The following KALRN variants were observed in gnomAD, a reference collection of about 807,000 sequenced individuals.
KALRN encodes the protein kalirin.
KALRN carries 70 observed loss-of-function variants against 353.7 expected under a neutral mutation model. The ratio of observed to expected loss-of-function variants is 0.20; its 90% CI spans 0.16 to 0.24. KALRN has a LOEUF of 0.24. KALRN is among the 10% of genes least tolerant of loss of function. The pLI is 1.00. For synonymous variants in KALRN, 1,391 were observed against 1,434.8 expected (o/e 0.97, Z 0.69); for missense variants, 2,791 against 3,756.7 (o/e 0.74, Z 6.72).
Position 124,722,964 on chromosome 3 carries a change from A to G in KALRN, c.*3494A>G, listed in dbSNP as rs776848910. ...AATAACTTTTAAGAAGTATTAATATAATGATTTCCTACATCTTTTACATTT... is the reference window on the plus strand; with the variant it reads ...AATAACTTTTAAGAAGTATTAATATGATGATTTCCTACATCTTTTACATTT... On this transcript the variant is annotated 3_prime_UTR_variant, in exon 60 of 60. Coordinates refer to ENST00000682506, the MANE Select transcript of KALRN (RefSeq NM_001388419.1). The G allele has an allele frequency of 6.6e-6, 1 of 152,234 alleles. No individual in the cohort carries two copies. The highest frequency in any genetic ancestry group is 1.5e-5 in the Non-Finnish European group (1 of 68,040). The allele number at this position is 152,234 out of a possible 1,614,324, so 9.4% of individuals were successfully genotyped here. A position where few individuals can be genotyped will look rare whatever the true frequency, so the allele number is the denominator to read the frequency against.
At chr3:124,522,616 C>T (rs1437822925) in intron 33 of KALRN, among the ~76,000 whole-genome samples, 1 of 151,538 alleles carries the variant, frequency 6.6e-6, no homozygotes, top group East Asian at 1.9e-4. Flanking sequence ...ATTGTTAAAG[C>T]ACAGACTGCA....
rs182859458 is a variant in KALRN at position 124,491,258 on chromosome 3, C to T, written c.4588-65C>T. ...CTCTTTGTTGCCTTTCCCTTCCCAC[C>T]CCAGCCCTAAGTTTCCCCACTGCCC... On this transcript the variant is annotated intron_variant, in intron 30 of 59. Coordinates refer to ENST00000682506, the MANE Select transcript of KALRN (RefSeq NM_001388419.1). 1,802 of 1,159,566 alleles carry T rather than the reference C, an allele frequency of 1.6e-3. 7 individuals are homozygous for T. Among genetic ancestry groups the T allele is most frequent in the Middle Eastern group, 4.3e-3 (18 of 4,190 alleles). 71.8% of individuals were successfully genotyped at this position (1,159,566 alleles called of 1,614,324 possible).
chr3:124,052,313 G>A (rs549636811), intron 1 of KALRN, among the ~76,000 whole-genome samples: 90 of 152,160 alleles, frequency 5.9e-4, no homozygotes, highest in South Asian at 5.2e-3. Flanking sequence ...ATGTTTCTGG[G>A]GTTTCTGGGC....
In KALRN at chr3:124,674,534, C is replaced by T. The variant is rs758053019; in HGVS notation, c.7113C>T (p.Ala2371=). The change falls in exon 49 of 60, where the codon GCC becomes GCT. Residue 2371 remains alanine, a synonymous_variant. Transcript: ENST00000682506. ...VYQPASDHSP[A]AEGWVPGSIL... is the part of the protein sequence containing the mutation. Reference sequence around the variant, plus strand: ...AGCCTGCCAGCGACCATTCCCCCGCCGCCGAGGGCTGGGTCCCAGGCAGCA... The same window carrying T: ...AGCCTGCCAGCGACCATTCCCCCGCTGCCGAGGGCTGGGTCCCAGGCAGCA... The T allele has an allele frequency of 5.6e-6, 9 of 1,613,748 alleles. No individual in the cohort carries two copies. The highest frequency in any genetic ancestry group is 5.9e-6 in the Non-Finnish European group (7 of 1,179,894).
intron 49 of KALRN, among the ~76,000 whole-genome samples, chr3:124,677,057 T>C (rs2087275284): frequency 6.6e-6 from 1 of 152,252 alleles, no homozygotes; most frequent in South Asian, 2.1e-4. Flanking sequence ...TCCTGATGTA[T>C]GTGGAGTGTT....
intron 34 of KALRN, among the ~76,000 whole-genome samples, chr3:124,595,261 C>T (rs1376883641): frequency 3.3e-5 from 5 of 151,900 alleles, no homozygotes; most frequent in Non-Finnish European, 5.9e-5. Flanking sequence ...ACGACTTCTA[C>T]TACATTTTAA....
chr3:124,287,825 A>G lies in KALRN; in HGVS notation c.970-10966A>G, dbSNP rs868635756. ...TATATATATATATATATATATATAT[A>G]TGTATATAATTTTTATATATTTAAT... is the stretch of plus-strand genomic sequence containing the variant. On this transcript the variant is annotated intron_variant, in intron 5 of 59. Transcript: ENST00000682506. 1.2e-3 allele frequency among the ~76,000 whole-genome samples: 68 copies of G among 54,958 alleles called. No individual in the cohort carries two copies. In the East Asian group the frequency reaches 0.023, roughly 19 times the overall value. 36.1% of individuals were successfully genotyped at this position (54,958 alleles called of 152,430 possible).
chr3:124,587,974 G>A (rs13087266), intron 34 of KALRN, among the ~76,000 whole-genome samples: 45,171 of 151,800 alleles, frequency 0.3, 7,446 homozygotes, highest in Middle Eastern at 0.4. Flanking sequence ...GATTACAGGC[G>A]TGAACCACTG....
intron 3 of KALRN, among the ~76,000 whole-genome samples, chr3:124,251,427 G>A (rs1441598943): frequency 3.4e-5 from 5 of 148,624 alleles, no homozygotes; most frequent in Non-Finnish European, 7.4e-5. Flanking sequence ...CTGGAGTGCA[G>A]TAGTGCAATT....
chr3:124,667,746 A>G (rs58013713), intron 47 of KALRN, among the ~76,000 whole-genome samples: 18,750 of 152,266 alleles, frequency 0.12, 1,258 homozygotes, highest in African/African-American at 0.16. Context: ...GTGGTTACAC[A>G]GAGGGTGTAG....
chr3:124,066,528 A>G (rs1483929834), intron 1 of KALRN, among the ~76,000 whole-genome samples: 1 of 152,188 alleles, frequency 6.6e-6, no homozygotes, highest in African/African-American at 2.4e-5. Flanking sequence ...TGAAGGAGTG[A>G]GGGAAGCGAG....
intron 16 of KALRN, among the ~76,000 whole-genome samples, chr3:124,432,683 A>C (rs753649986): frequency 1.3e-5 from 2 of 152,232 alleles, no homozygotes; most frequent in African/African-American, 4.8e-5. Flanking sequence ...ATGTATTCAC[A>C]GTGCTTGAAA....
rs372720406 is a variant in KALRN at position 124,269,012 on chromosome 3, C to G, written c.726C>G (p.Ala242=). Residue 242 remains alanine (A), a synonymous_variant, in exon 5 of 60, where the codon GCC becomes GCG. Transcript: ENST00000682506. ...HTQLKKKVLK[A]PVEELDREGQ... ...AGCTCAAGAAAAAGGTGCTGAAGGC[C>G]CCTGTGGAGGAGCTGGACCGGGAGG... 92 of 1,613,708 alleles carry G rather than the reference C, an allele frequency of 5.7e-5. No individual in the cohort carries two copies. Among genetic ancestry groups the G allele is most frequent in the Middle Eastern group, 1.6e-4 (1 of 6,084 alleles).
intron 34 of KALRN, among the ~76,000 whole-genome samples, chr3:124,609,502 T>C (rs920192831): frequency 3.3e-5 from 5 of 152,202 alleles, no homozygotes; most frequent in Admixed American, 2.6e-4. Context: ...CTAGGATCCT[T>C]CTGCATCTGT....
chr3:124,056,520 T>G (rs1326819627), intron 1 of KALRN, among the ~76,000 whole-genome samples: 1 of 152,230 alleles, frequency 6.6e-6, no homozygotes, highest in East Asian at 1.9e-4. Flanking sequence ...CTGAAATGGA[T>G]GATCACTGAG....
intron 1 of KALRN, among the ~76,000 whole-genome samples, chr3:124,107,825 A>T (rs1324293875): frequency 6.6e-6 from 1 of 152,196 alleles, no homozygotes; most frequent in Non-Finnish European, 1.5e-5. Context: ...TGTTCTGTAC[A>T]TTACAGGCTG....
chr3:124,630,380 GTGTTTGTTTGTT>G (rs140992996), intron 34 of KALRN, among the ~76,000 whole-genome samples: 2 of 149,964 alleles, frequency 1.3e-5, no homozygotes, highest in South Asian at 2.1e-4. Flanking sequence ...AGGCCCAGTA[GTGTTTGTTTGTT>G]TGTTTGTTTG....
chr3:124,557,085 C>G (rs1371007473), intron 33 of KALRN, among the ~76,000 whole-genome samples: 1 of 152,054 alleles, frequency 6.6e-6, no homozygotes, highest in South Asian at 2.1e-4. Flanking sequence ...GTAATTTCAA[C>G]TTCCATGTTA....
At chr3:124,550,433 T>C (rs1163041971) in intron 33 of KALRN, among the ~76,000 whole-genome samples, 2 of 152,132 alleles carry the variant, frequency 1.3e-5, no homozygotes, top group African/African-American at 4.8e-5. Flanking sequence ...ATTAGGAATT[T>C]CATCCAGGAA....
Sources: allele counts gnomAD v4.1 joint callset (sites outside exome capture counted in the v4.1 genomes callset), GRCh38; gene constraint gnomAD v4.1.1; transcripts MANE v1.5; gene names NCBI Gene and HGNC (gene_info 2026-07-23, HGNC 2026-07-21).